MRPS27: variants seen among roughly 807,000 people sequenced by gnomAD.
MRPS27 encodes the protein mitochondrial ribosomal protein S27.
A neutral mutation model predicts 48.9 loss-of-function variants in MRPS27; 43 were observed. The ratio of observed to expected loss-of-function variants is 0.88; its 90% CI spans 0.69 to 1.13. MRPS27 has a LOEUF of 1.13. MRPS27 is among the 50% of genes most tolerant of loss of function. The pLI is 0.00. For synonymous variants in MRPS27, 188 were observed against 171.9 expected, an observed-to-expected ratio of 1.09 and a Z score of -0.73; for missense variants, 467 against 476.3, an observed-to-expected ratio of 0.98 and a Z score of 0.18.
chr5:72,275,699 G>A (rs1280201234), intron 4 of MRPS27, among the ~76,000 whole-genome samples: 1 of 152,180 alleles, frequency 6.6e-6, no homozygotes, highest in Non-Finnish European at 1.5e-5. Context: ...TGCCATGACA[G>A]CATACCTGAA....
chr5:72,225,893 G>A (rs1219010384), intron 9 of MRPS27, among the ~76,000 whole-genome samples, 164 bp downstream of exon 9: 1 of 151,914 alleles, frequency 6.6e-6, no homozygotes, highest in African/African-American at 2.4e-5. Flanking sequence ...TTGGTCAGGA[G>A]CATTGAAAAT....
At chr5:72,225,991 A>T in intron 9 of MRPS27, 66 bp downstream of exon 9, 1 of 1,538,064 alleles carries the variant, frequency 6.5e-7, no homozygotes, top group Non-Finnish European at 8.8e-7. Context: ...AATGAAAACA[A>T]ATTTAAAGCT....
chr5:72,272,814 A>C (rs951475131), intron 4 of MRPS27, among the ~76,000 whole-genome samples: 4 of 152,210 alleles, frequency 2.6e-5, no homozygotes, highest in African/African-American at 9.6e-5. Flanking sequence ...CAAAGCCCAC[A>C]TTATTTACTA....
chr5:72,314,333 C>T, intron 1 of MRPS27, 175 bp from the exon 2 acceptor site: 2 of 451,390 alleles, frequency 4.4e-6, no homozygotes, highest in Non-Finnish European at 7.9e-6. Flanking sequence ...GAACAAAATG[C>T]ATTCAACCCC....
chr5:72,238,095 T>A lies in MRPS27; in HGVS notation c.315A>T (p.Arg105Ser). ...TAATCCAGGTGTGGATAGTCCAGTT[T>A]CTCAGGTACCAGCAGTTGGGGCTGT... is the stretch of plus-strand genomic sequence containing the variant. ...FRHSPNCWYL[R>S]NWTIHTWIRQ... The change falls in exon 5 of 11, where the codon AGA (arginine) becomes AGT (serine). Residue 105 changes from arginine (R) to serine (S), a missense_variant. Arg to Ser is a moderately radical substitution (Grantham distance 110). Transcript: ENST00000261413. 6.2e-7 allele frequency: 1 copy of A among 1,613,522 alleles called. No individual in the cohort carries two copies. The highest frequency in any genetic ancestry group is 8.5e-7 in the Non-Finnish European group (1 of 1,179,646).
chr5:72,222,286 G>A (rs1382621134), intron 10 of MRPS27, among the ~76,000 whole-genome samples: 2 of 152,208 alleles, frequency 1.3e-5, no homozygotes, highest in African/African-American at 2.4e-5. Context: ...ACTAAACTAC[G>A]AGTTGGCAAA....
chr5:72,250,313 C>T (rs1748631950), intron 4 of MRPS27, among the ~76,000 whole-genome samples: 2 of 152,170 alleles, frequency 1.3e-5, no homozygotes, highest in South Asian at 4.1e-4. Flanking sequence ...TCATGTTATA[C>T]TTTTACTACT....
intron 4 of MRPS27, among the ~76,000 whole-genome samples, chr5:72,249,912 A>G (rs920132829): frequency 6.6e-6 from 1 of 151,984 alleles, no homozygotes; most frequent in South Asian, 2.1e-4. Context: ...TGAACCTGGG[A>G]GGCGGAGCTT....
chr5:72,310,915 G>A (rs1208313697), intron 2 of MRPS27, among the ~76,000 whole-genome samples: 5 of 152,080 alleles, frequency 3.3e-5, no homozygotes, highest in Non-Finnish European at 7.3e-5. Context: ...CCCTGGCAGG[G>A]GCACAACATC....
intron 4 of MRPS27, chr5:72,241,816 G>T: frequency 2.4e-6 from 2 of 817,360 alleles, no homozygotes; most frequent in Non-Finnish European, 3.9e-6. Context: ...GCCAGCCACT[G>T]TAGGAGTCCC....
intron 2 of MRPS27, among the ~76,000 whole-genome samples, chr5:72,308,831 CATT>C (rs1437214457): frequency 5.9e-5 from 9 of 152,194 alleles, no homozygotes; most frequent in African/African-American, 2.2e-4. Flanking sequence ...AGTTCCAAAA[CATT>C]ATTTCACCTC....
chr5:72,297,648 GAACT>G lies in MRPS27; in HGVS notation c.202_205del (p.Ser68LeufsTer2), dbSNP rs774488459. The G allele has an allele frequency of 1.3e-6, 2 of 1,596,546 alleles. No homozygotes were observed. The highest frequency in any genetic ancestry group is 1.3e-5 in the African/African-American group (1 of 74,322). ...TTTTCTTACCCGTGATATTGTTAAA[GAACT>G]AACAGGCAACTTTCTCTCAAATGTT... On this transcript the variant is annotated frameshift_variant, in exon 3 of 11. Coordinates refer to ENST00000261413, the MANE Select transcript of MRPS27 (RefSeq NM_015084.3). LOFTEE classifies it high-confidence loss of function.
intron 4 of MRPS27, among the ~76,000 whole-genome samples, chr5:72,262,738 G>C (rs967355438): frequency 3.3e-5 from 5 of 151,852 alleles, no homozygotes; most frequent in African/African-American, 1.2e-4. Context: ...GGAACAAAGT[G>C]AGGTCTTTTT....
intron 4 of MRPS27, among the ~76,000 whole-genome samples, chr5:72,243,723 G>A (rs1040546179): frequency 1.3e-5 from 2 of 152,100 alleles, no homozygotes; most frequent in African/African-American, 4.8e-5. Flanking sequence ...TATTTCCAAC[G>A]AATTCACTAT....
intron 4 of MRPS27, among the ~76,000 whole-genome samples, chr5:72,260,252 A>C (rs1748929510): frequency 6.6e-6 from 1 of 152,222 alleles, no homozygotes; most frequent in Admixed American, 6.5e-5. Context: ...TCAAGAGTAC[A>C]CAAATATTTC....
At chr5:72,254,536 G>A (rs564645202) in intron 4 of MRPS27, among the ~76,000 whole-genome samples, 5 of 152,306 alleles carry the variant, frequency 3.3e-5, no homozygotes, top group African/African-American at 1.2e-4. Flanking sequence ...TATATGTGGA[G>A]CCTTTGCTTT....
intron 10 of MRPS27, 25 bp from the exon 11 acceptor site, chr5:72,221,173 G>T: frequency 6.2e-7 from 1 of 1,610,962 alleles, no homozygotes; most frequent in South Asian, 1.1e-5. Context: ...TGGGAAAAAT[G>T]AGAAGAAAGG....
At chr5:72,267,946 A>G (rs959548288) in intron 4 of MRPS27, among the ~76,000 whole-genome samples, 2 of 152,242 alleles carry the variant, frequency 1.3e-5, no homozygotes, top group Non-Finnish European at 1.5e-5. Flanking sequence ...GAGCCCAAAC[A>G]ATTACTATTT....
rs111453840 is a variant in MRPS27 at position 72,224,957 on chromosome 5, C to A, written c.837+1100G>T. ...CAGAAATCCTAAAAATATGCCAAGG[C>A]CTTTTAATACCACTAATACATCACA... On this transcript the variant is annotated intron_variant, in intron 9 of 10. Transcript: ENST00000261413. Among the ~76,000 whole-genome samples the A allele has an allele frequency of 1.4e-3, 212 of 152,256 alleles. 2 individuals are homozygous for A. The highest frequency in any genetic ancestry group is 4.8e-3 in the African/African-American group (198 of 41,546).
Sources: allele counts gnomAD v4.1 joint callset (sites outside exome capture counted in the v4.1 genomes callset), GRCh38; gene constraint gnomAD v4.1.1; transcripts MANE v1.5; gene names NCBI Gene and HGNC (gene_info 2026-07-23, HGNC 2026-07-21).